The following MEIG1 variants were observed in gnomAD, a reference collection of about 807,000 sequenced individuals.
MEIG1 encodes the protein meiosis expressed gene 1 protein homolog.
MEIG1 carries 12 observed loss-of-function variants against 11.3 expected under a neutral mutation model. That is an observed-to-expected ratio of 1.07 (90% CI 0.68 to 1.73). The LOEUF is 1.73. Among genes scored for constraint, MEIG1 ranks in the 40% most tolerant of loss-of-function variants. The probability of loss-of-function intolerance (pLI) is 0.00; values close to 1 mark genes in which losing one functional copy is unlikely to be tolerated. For synonymous variants in MEIG1, 41 were observed against 33.2 expected, an observed-to-expected ratio of 1.24 and a Z score of -0.81; for missense variants, 119 against 104.9, an observed-to-expected ratio of 1.13 and a Z score of -0.59.
At chr10:14,983,992 TA>T (rs1564510456) in intron 1 of MEIG1, among the ~76,000 whole-genome samples, 1 of 151,826 alleles carries the variant, frequency 6.6e-6, no homozygotes, top group Non-Finnish European at 1.5e-5. Context: ...CTGCTGGGGG[TA>T]TAAACACTCC....
chr10:14,974,654 A>G (rs529457422), downstream of MEIG1, among the ~76,000 whole-genome samples: 1 of 152,144 alleles, frequency 6.6e-6, no homozygotes, highest in Non-Finnish European at 1.5e-5. Flanking sequence ...ATAACTGATC[A>G]TATAATTCTT....
chr10:14,976,952 A>G (rs1207510769), downstream of MEIG1, among the ~76,000 whole-genome samples: 1 of 151,360 alleles, frequency 6.6e-6, no homozygotes, highest in African/African-American at 2.4e-5. Flanking sequence ...TGATGTCCCA[A>G]TGCAGGTACA....
intron 1 of MEIG1, among the ~76,000 whole-genome samples, chr10:14,962,662 A>G (rs1449092606): frequency 6.6e-6 from 1 of 152,244 alleles, no homozygotes; most frequent in Non-Finnish European, 1.5e-5. Flanking sequence ...GGGCATAGAT[A>G]AGACAAAAAT....
intron 2 of MEIG1, 152 bp from the exon 3 acceptor site, chr10:14,972,361 T>C: frequency 1.1e-6 from 1 of 925,190 alleles, no homozygotes; most frequent in Non-Finnish European, 1.6e-6. Flanking sequence ...AGATGTGTCT[T>C]GTGGGTATCA....
intron 1 of MEIG1, among the ~76,000 whole-genome samples, chr10:14,983,685 G>C (rs1196569654): frequency 6.6e-6 from 1 of 152,034 alleles, no homozygotes; most frequent in Non-Finnish European, 1.5e-5. Flanking sequence ...CCCATCGCAG[G>C]AGGTGTACAC....
rs865821221 is a variant in MEIG1, at chr10:14,964,624, T to C, written c.-29-1816T>C. ...ATATATATATACACACACACACACATATATATGTATACTTTTTTTTTTTTT... is the reference window on the plus strand; with the variant it reads ...ATATATATATACACACACACACACACATATATGTATACTTTTTTTTTTTTT... On this transcript the variant is annotated intron_variant, in intron 1 of 2. Coordinates refer to ENST00000407572, the MANE Select transcript of MEIG1 (RefSeq NM_001080836.3). Among the ~76,000 whole-genome samples the C allele has an allele frequency of 3.8e-5, 5 of 132,742 alleles. No homozygotes were observed. The East Asian group carries it at 1.1e-3, about 29-fold the overall frequency. 87.1% of individuals were successfully genotyped at this position (132,742 alleles called of 152,430 possible).
downstream of MEIG1, among the ~76,000 whole-genome samples, chr10:14,973,625 C>A (rs1050608062): frequency 1.3e-5 from 2 of 152,012 alleles, no homozygotes; most frequent in African/African-American, 4.8e-5. Flanking sequence ...AAAAAATTAG[C>A]TGGGAGTGGT....
rs545168914 is a variant in MEIG1, at chr10:14,986,849, G to A, written n.120G>A. The A allele has an allele frequency of 5.9e-5, 24 of 403,936 alleles. 1 individual carries two copies. The highest frequency in any genetic ancestry group is 2.4e-5 in the Non-Finnish European group (5 of 209,748). The allele number at this position is 403,936 out of a possible 1,614,324, so 25.0% of individuals were successfully genotyped here. ...GGGTCTCGAACTCCTGGACTCAAGT[G>A]ATCCCAGCGACTCAGCCTCCCAGAG... On this transcript the variant is annotated non_coding_transcript_exon_variant, in exon 2 of 3. Transcript: ENST00000467536.
At chr10:14,986,179 G>C (rs1052698726) in intron 1 of MEIG1, among the ~76,000 whole-genome samples, 1 of 152,106 alleles carries the variant, frequency 6.6e-6, no homozygotes. Context: ...TACAACATTA[G>C]CTGGGCGTGC....
upstream of MEIG1, among the ~76,000 whole-genome samples, chr10:14,954,692 C>A (rs1842891037): frequency 6.6e-6 from 1 of 151,924 alleles, no homozygotes; most frequent in African/African-American, 2.4e-5. Flanking sequence ...TGGGCCCCCA[C>A]CTTTTTGAGC....
chr10:14,967,626 T>A (rs1197470588), intron 2 of MEIG1, among the ~76,000 whole-genome samples: 1 of 152,018 alleles, frequency 6.6e-6, no homozygotes, highest in Non-Finnish European at 1.5e-5. Context: ...AGAGACGTGT[T>A]TTTACAAATT....
chr10:14,965,697 AGAGAGAGAGAGAGAGAGAGG>A (rs1205308677), intron 1 of MEIG1, among the ~76,000 whole-genome samples: 16 of 95,414 alleles, frequency 1.7e-4, no homozygotes, highest in African/African-American at 2.9e-4. Context: ...AGAGAGAGAG[AGAGAGAGAGAGAGAGAGAGG>A]TGCAGCTTTG....
intron 2 of MEIG1, among the ~76,000 whole-genome samples, chr10:14,967,202 T>C (rs1843095867): frequency 2.0e-5 from 3 of 152,220 alleles, no homozygotes; most frequent in Admixed American, 2.0e-4. Context: ...AAAGCTTTTT[T>C]CCTCACTCAG....
chr10:14,963,440 ATATC>A (rs1477334277), intron 1 of MEIG1, among the ~76,000 whole-genome samples: 1 of 152,142 alleles, frequency 6.6e-6, no homozygotes, highest in Non-Finnish European at 1.5e-5. Context: ...CCTGTGTAAT[ATATC>A]TATATTCCTG....
At chr10:14,981,806 T>A (rs548916311) in intron 1 of MEIG1, among the ~76,000 whole-genome samples, 2 of 152,342 alleles carry the variant, frequency 1.3e-5, no homozygotes, top group South Asian at 4.1e-4. Flanking sequence ...CACTGCAAAC[T>A]CTGACAGCCA....
intron 2 of MEIG1, among the ~76,000 whole-genome samples, chr10:14,969,678 T>A (rs1269281475): frequency 1.3e-5 from 2 of 151,762 alleles, no homozygotes; most frequent in African/African-American, 2.4e-5. Context: ...CTACTAAAAA[T>A]ACACAAAATT....
At chr10:14,969,353 T>G (rs1311841759) in intron 2 of MEIG1, among the ~76,000 whole-genome samples, 1 of 148,504 alleles carries the variant, frequency 6.7e-6, no homozygotes, top group Non-Finnish European at 1.5e-5. Context: ...GAGGCTCAGG[T>G]GGGAGGATTG....
intron 2 of MEIG1, among the ~76,000 whole-genome samples, chr10:14,971,054 A>G (rs942806647): frequency 6.6e-6 from 1 of 152,154 alleles, no homozygotes; most frequent in African/African-American, 2.4e-5. Flanking sequence ...ATCAAGCCAA[A>G]TGAAAAAGTA....
chr10:14,984,045 T>G (rs970173660), intron 1 of MEIG1, among the ~76,000 whole-genome samples: 12 of 152,072 alleles, frequency 7.9e-5, no homozygotes, highest in African/African-American at 2.2e-4. Flanking sequence ...AGGATGCTAT[T>G]ACGGCAAAGA....
Sources: gnomAD v4.1 joint callset for allele counts (sites outside exome capture counted in the v4.1 genomes callset) on GRCh38, gnomAD v4.1.1 for gene constraint, MANE v1.5 for transcripts, NCBI Gene and HGNC (gene_info 2026-07-23, HGNC 2026-07-21) for gene names.